The following GPR39 variants were observed in gnomAD, a reference collection of about 807,000 sequenced individuals.
GPR39 encodes the protein G protein-coupled receptor 39.
In GPR39, 23 loss-of-function variants were observed where a neutral mutation model predicts 18.4. That is an observed-to-expected ratio of 1.25 (90% confidence interval 0.90 to 1.77). The LOEUF (loss-of-function observed/expected upper bound fraction) is 1.77, where lower values mean the gene tolerates loss of function less well. Among genes scored for constraint, GPR39 ranks in the 40% most tolerant of loss-of-function variants. The pLI, the probability that GPR39 is intolerant of heterozygous loss-of-function variation, is 0.00. For missense variants in GPR39, 647 were observed against 602.4 expected, an observed-to-expected ratio of 1.07 and a Z score of -0.78; for synonymous variants, 280 against 257.9, an observed-to-expected ratio of 1.09 and a Z score of -0.82.
intron 1 of GPR39, among the ~76,000 whole-genome samples, chr2:132,557,734 G>T (rs1680180580): frequency 6.6e-6 from 1 of 152,126 alleles, no homozygotes; most frequent in Non-Finnish European, 1.5e-5. Context: ...AGACCCTAGG[G>T]TTGTCGGTTA....
chr2:132,508,709 A>T (rs1003843340), intron 1 of GPR39, among the ~76,000 whole-genome samples: 5 of 152,202 alleles, frequency 3.3e-5, no homozygotes, highest in African/African-American at 1.2e-4. Context: ...CACCATGGGC[A>T]ATAAGCATAT....
chr2:132,593,660 G>T lies in GPR39; in HGVS notation c.857-51441G>T, dbSNP rs1680886132. Among the ~76,000 whole-genome samples, 3 of 152,146 alleles carry T rather than the reference G, an allele frequency of 2.0e-5. No individual in the cohort carries two copies. In the South Asian group the frequency reaches 6.2e-4, roughly 32 times the overall value. On this transcript the variant is annotated intron_variant, in intron 1 of 1. Coordinates refer to ENST00000329321, the MANE Select transcript of GPR39 (RefSeq NM_001508.3). ...AGGAAGGAAACAGCAGGCTTGGGGA[G>T]CCTGGGAGTGTATTTGGATATGCTC...
chr2:132,495,803 C>T (rs1234221581), intron 1 of GPR39, among the ~76,000 whole-genome samples: 1 of 151,820 alleles, frequency 6.6e-6, no homozygotes, highest in Admixed American at 6.6e-5. Context: ...TCTCTTCTCA[C>T]CCCCTCTCTT....
Position 132,487,073 on chromosome 2 carries a change from G to A in GPR39, c.856+69175G>A, listed in dbSNP as rs772105728. Among the ~76,000 whole-genome samples, 90 of 152,166 alleles carry A rather than the reference G, an allele frequency of 5.9e-4. 1 individual carries two copies. The highest frequency in any genetic ancestry group is 1.2e-3 in the Non-Finnish European group (82 of 68,036). ...GTATCATTGTGTCTCAGGGAATACG[G>A]AGGCCTGAGGATAGGGAGAGAGATG... On this transcript the variant is annotated intron_variant, in intron 1 of 1. Coordinates refer to ENST00000329321, the MANE Select transcript of GPR39 (RefSeq NM_001508.3).
intron 1 of GPR39, among the ~76,000 whole-genome samples, chr2:132,557,094 A>C (rs1680167124): frequency 6.6e-6 from 1 of 151,700 alleles, no homozygotes; most frequent in Admixed American, 6.6e-5. Context: ...GGGGGGGGGC[A>C]GATCACTTGA....
rs565473005 is a variant in GPR39, at chr2:132,510,586, A to G, written c.856+92688A>G. Among the ~76,000 whole-genome samples, 107 of 152,156 alleles carry G rather than the reference A, an allele frequency of 7.0e-4. 1 individual carries two copies. Among genetic ancestry groups the G allele is most frequent in the Non-Finnish European group, 1.0e-3 (70 of 68,016 alleles). On this transcript the variant is annotated intron_variant, in intron 1 of 1. Coordinates refer to ENST00000329321, the MANE Select transcript of GPR39 (RefSeq NM_001508.3). ...TGTTGCAATCTTAGCACAGTTTCCA[A>G]GTGTTCTTGAGAATCACAACTGAGA...
chr2:132,561,520 A>G (rs1680252967), intron 1 of GPR39, among the ~76,000 whole-genome samples: 1 of 151,804 alleles, frequency 6.6e-6, no homozygotes, highest in African/African-American at 2.4e-5. Flanking sequence ...ACACATTAGA[A>G]TCAGTTGGAT....
chr2:132,532,977 T>G (rs1573651224), intron 1 of GPR39, among the ~76,000 whole-genome samples: 1 of 152,168 alleles, frequency 6.6e-6, no homozygotes, highest in East Asian at 2.0e-4. Context: ...TTCAACGTAG[T>G]GTTGGAAGTT....
intron 1 of GPR39, among the ~76,000 whole-genome samples, chr2:132,510,683 C>T (rs1469926982): frequency 6.6e-6 from 1 of 152,128 alleles, no homozygotes; most frequent in Non-Finnish European, 1.5e-5. Context: ...GTATGGAGTT[C>T]AGCTCTTTTT....
chr2:132,529,620 CACCTCACACGGCCGGGT>C (rs1445342537), intron 1 of GPR39, among the ~76,000 whole-genome samples: 1 of 152,220 alleles, frequency 6.6e-6, no homozygotes, highest in African/African-American at 2.4e-5. Context: ...GGCGGACTGA[CACCTCACACGGCCGGGT>C]ACTCCTCTGA....
chr2:132,531,344 A>G (rs1679626857), intron 1 of GPR39, among the ~76,000 whole-genome samples: 2 of 152,208 alleles, frequency 1.3e-5, no homozygotes, highest in South Asian at 4.1e-4. Context: ...GAGCATCCAG[A>G]TTCATAGAGC....
At chr2:132,435,282 T>TA (rs1680292852) in intron 1 of GPR39, among the ~76,000 whole-genome samples, 1 of 152,044 alleles carries the variant, frequency 6.6e-6, no homozygotes, top group African/African-American at 2.4e-5. Flanking sequence ...CCTGAGACAG[T>TA]AAAACCAACC....
At chr2:132,597,753 G>A (rs1680971013) in intron 1 of GPR39, among the ~76,000 whole-genome samples, 1 of 152,192 alleles carries the variant, frequency 6.6e-6, no homozygotes, top group African/African-American at 2.4e-5. Flanking sequence ...GGGAACCCAA[G>A]TCAAACAGGC....
chr2:132,545,767 A>G (rs1679937647), intron 1 of GPR39, among the ~76,000 whole-genome samples: 1 of 152,176 alleles, frequency 6.6e-6, no homozygotes, highest in Non-Finnish European at 1.5e-5. Context: ...AGGCAGAATC[A>G]GATCAGTCAG....
At chr2:132,512,888 T>G (rs1382096875) in intron 1 of GPR39, among the ~76,000 whole-genome samples, 1 of 152,222 alleles carries the variant, frequency 6.6e-6, no homozygotes, top group Non-Finnish European at 1.5e-5. Context: ...CAATTAATAT[T>G]TTCATTCTTT....
At chr2:132,515,843 T>C (rs2104762649) in intron 1 of GPR39, among the ~76,000 whole-genome samples, 1 of 152,170 alleles carries the variant, frequency 6.6e-6, no homozygotes, top group East Asian at 1.9e-4. Flanking sequence ...TCCCTGTTTA[T>C]TATTATTAAG....
intron 1 of GPR39, among the ~76,000 whole-genome samples, chr2:132,530,978 G>A (rs1243213353): frequency 6.6e-6 from 1 of 152,182 alleles, no homozygotes; most frequent in African/African-American, 2.4e-5. Flanking sequence ...ACATCATAAT[G>A]ACAGGATCAG....
intron 1 of GPR39, among the ~76,000 whole-genome samples, chr2:132,526,896 C>A (rs566343055): frequency 6.6e-6 from 1 of 152,148 alleles, no homozygotes; most frequent in South Asian, 2.1e-4. Flanking sequence ...ATGTGCTAGA[C>A]CCTTTTTTTA....
chr2:132,506,605 A>G (rs1679139050), intron 1 of GPR39, among the ~76,000 whole-genome samples: 1 of 152,182 alleles, frequency 6.6e-6, no homozygotes, highest in African/African-American at 2.4e-5. Flanking sequence ...GCACCTCTTC[A>G]CAGGGCAGCA....
Sources: allele counts gnomAD v4.1 joint callset (sites outside exome capture counted in the v4.1 genomes callset), GRCh38; gene constraint gnomAD v4.1.1; transcripts MANE v1.5; gene names NCBI Gene and HGNC (gene_info 2026-07-23, HGNC 2026-07-21).